Variants in RAB11FIP3 observed in about 807,000 individuals in gnomAD.
RAB11FIP3 encodes the protein rab11 family-interacting protein 3.
In RAB11FIP3, 17 loss-of-function variants were observed where a neutral mutation model predicts 77.8. The ratio of observed to expected loss-of-function variants is 0.22; its 90% CI spans 0.15 to 0.33. RAB11FIP3 has a LOEUF of 0.33. Among genes scored for constraint, RAB11FIP3 ranks in the 10% least tolerant of loss-of-function variants. RAB11FIP3 has a pLI of 1.00. For synonymous variants in RAB11FIP3, 437 were observed against 448.2 expected (o/e 0.98, Z 0.31); for missense variants, 1,005 against 1,011.2 (o/e 0.99, Z 0.08).
chr16:445,907 T>A (rs1460549132), intron 1 of RAB11FIP3, among the ~76,000 whole-genome samples: 1 of 152,056 alleles, frequency 6.6e-6, no homozygotes, highest in Non-Finnish European at 1.5e-5. Context: ...AGCCTCCAGG[T>A]ACAGGTGTTC....
intron 4 of RAB11FIP3, among the ~76,000 whole-genome samples, chr16:488,566 G>T (rs1362868218): frequency 1.3e-5 from 2 of 151,974 alleles, no homozygotes; most frequent in African/African-American, 4.8e-5. Flanking sequence ...GCGCATCCAT[G>T]CCTGGGTGAT....
Position 506,565 on chromosome 16 carries a change from C to T in RAB11FIP3, c.1499+938C>T, listed in dbSNP as rs2031884971. Among the ~76,000 whole-genome samples the T allele has an allele frequency of 6.6e-6, 1 of 152,186 alleles. No individual in the cohort carries two copies. Among genetic ancestry groups the T allele is most frequent in the African/African-American group, 2.4e-5 (1 of 41,436 alleles). ...CAGGTAGATTCAGGGCTCTGAGCAG[C>T]CTGCACACACGTGTGTTGGCAGCAG... On this transcript the variant is annotated intron_variant, in intron 8 of 13. Coordinates refer to ENST00000262305, the MANE Select transcript of RAB11FIP3 (RefSeq NM_014700.4). This position sits in a 1 kb window ranked among gnomAD's most constrained non-coding sequence, Gnocchi z 4.5.
chr16:448,807 C>T (rs1231164958), intron 1 of RAB11FIP3, among the ~76,000 whole-genome samples: 3 of 150,504 alleles, frequency 2.0e-5, no homozygotes, highest in South Asian at 2.1e-4. Flanking sequence ...CCCAGCTACT[C>T]GGGAGGCTGA....
chr16:461,334 T>G lies in RAB11FIP3; in HGVS notation c.715-70T>G. On this transcript the variant is annotated intron_variant, in intron 1 of 13. Transcript: ENST00000262305. This position sits in a 1 kb window ranked among gnomAD's most constrained non-coding sequence, Gnocchi z 4.5. ...AGGCCACACACCAGATCTCTCCCAG[T>G]CCGAGGTCCAGGGTTGGGGACCCCT... 1 of 1,238,088 alleles carries G rather than the reference T, an allele frequency of 8.1e-7. No homozygotes were observed. The highest frequency in any genetic ancestry group is 1.2e-6 in the Non-Finnish European group (1 of 862,026). The allele number at this position is 1,238,088 out of a possible 1,614,324, so 76.7% of individuals were successfully genotyped here.
chr16:495,545 C>T (rs1365128119), intron 5 of RAB11FIP3, among the ~76,000 whole-genome samples: 2 of 152,138 alleles, frequency 1.3e-5, no homozygotes, highest in East Asian at 1.9e-4. Context: ...GTCGGAGGGC[C>T]CTGCAGAGAG....
In RAB11FIP3 at chr16:506,487, G is replaced by C. The variant is rs1596293130; in HGVS notation, c.1499+860G>C. Among the ~76,000 whole-genome samples, 1 of 152,278 alleles carries C rather than the reference G, an allele frequency of 6.6e-6. No homozygotes were observed. Among genetic ancestry groups the C allele is most frequent in the Middle Eastern group, 3.4e-3 (1 of 294 alleles). ...ATCCCGGCTCTTCCACATATTCTCA[G>C]CTCGGCCAAGGGCCCTGTCCCTTGA... is the stretch of plus-strand genomic sequence containing the variant. On this transcript the variant is annotated intron_variant, in intron 8 of 13. Transcript: ENST00000262305. This position sits in a 1 kb window ranked among gnomAD's most constrained non-coding sequence, Gnocchi z 4.5.
chr16:456,572 A>C (rs2055508033), intron 1 of RAB11FIP3, among the ~76,000 whole-genome samples: 1 of 152,202 alleles, frequency 6.6e-6, no homozygotes. Flanking sequence ...CCTGCCCAAC[A>C]TGGTGAAACC....
At chr16:467,062 A>G (rs1426419899) in intron 2 of RAB11FIP3, among the ~76,000 whole-genome samples, 1 of 152,182 alleles carries the variant, frequency 6.6e-6, no homozygotes, top group African/African-American at 2.4e-5. Flanking sequence ...TCTGGGACGT[A>G]GCACGAAACG....
At chr16:437,878 A>G (rs2055158130) in intron 1 of RAB11FIP3, among the ~76,000 whole-genome samples, 1 of 151,392 alleles carries the variant, frequency 6.6e-6, no homozygotes, top group African/African-American at 2.4e-5. Context: ...TTCTTGGCCC[A>G]TACCCACTGC....
chr16:491,051 G>A, intron 5 of RAB11FIP3: 2 of 1,187,514 alleles, frequency 1.7e-6, no homozygotes, highest in Non-Finnish European at 2.2e-6. Context: ...GTCCTGTCCT[G>A]TTCCCCTCGG....
At chr16:494,423 C>G (rs921301684) in intron 5 of RAB11FIP3, among the ~76,000 whole-genome samples, 2 of 150,362 alleles carry the variant, frequency 1.3e-5, no homozygotes, top group African/African-American at 4.9e-5. Flanking sequence ...GAGATCGAGA[C>G]CATCCTGGCT....
Position 462,646 on chromosome 16 carries a change from C to T in RAB11FIP3, c.808+1149C>T, listed in dbSNP as rs1386768682. On this transcript the variant is annotated intron_variant, in intron 2 of 13. Transcript: ENST00000262305. ...CCCCAGCACCATCCCTTCCCCAGCA[C>T]CATCCCTTCCGCAGCACCGTCCCTT... 4.1e-3 allele frequency among the ~76,000 whole-genome samples: 626 copies of T among 150,868 alleles called. 2 individuals are homozygous for T. Among genetic ancestry groups the T allele is most frequent in the African/African-American group, 0.014 (587 of 40,624 alleles).
intron 7 of RAB11FIP3, among the ~76,000 whole-genome samples, chr16:503,635 A>G (rs916435425): frequency 1.3e-5 from 2 of 152,082 alleles, no homozygotes; most frequent in African/African-American, 4.8e-5. Flanking sequence ...ATCCCAGCAC[A>G]TTAGGAGGCC....
intron 4 of RAB11FIP3, among the ~76,000 whole-genome samples, chr16:487,936 G>T (rs1596263169): frequency 6.6e-6 from 1 of 151,380 alleles, no homozygotes; most frequent in Non-Finnish European, 1.5e-5. Flanking sequence ...AGAGGCAGAG[G>T]TGCTTGAACC....
chr16:462,992 C>T (rs1226871481), intron 2 of RAB11FIP3, among the ~76,000 whole-genome samples: 2 of 152,194 alleles, frequency 1.3e-5, no homozygotes, highest in Non-Finnish European at 2.9e-5. Flanking sequence ...CGTTTGTGTA[C>T]AACTCTTTGT....
At chr16:479,918 A>AAAC (rs201759094) in intron 3 of RAB11FIP3, among the ~76,000 whole-genome samples, 1,832 of 151,134 alleles carry the variant, frequency 0.012, 28 homozygotes, top group African/African-American at 0.042. Flanking sequence ...ACACTGTCTC[A>AAAC]AACAACAACA....
chr16:507,821 C>T lies in RAB11FIP3; in HGVS notation c.1499+2194C>T, dbSNP rs577268785. Among the ~76,000 whole-genome samples the T allele has an allele frequency of 3.9e-4, 59 of 152,248 alleles. No homozygotes were observed. The highest frequency in any genetic ancestry group is 7.4e-4 in the Non-Finnish European group (50 of 68,000). Reference sequence around the variant, plus strand: ...CCATACAGCTGCCATCCTAAGAGTACGTTTCCCGTTTTCAGTATCATCTGC... The same window carrying T: ...CCATACAGCTGCCATCCTAAGAGTATGTTTCCCGTTTTCAGTATCATCTGC... On this transcript the variant is annotated intron_variant, in intron 8 of 13. Coordinates refer to ENST00000262305, the MANE Select transcript of RAB11FIP3 (RefSeq NM_014700.4). The surrounding 1 kb of genome is among the most constrained non-coding windows in gnomAD (Gnocchi z 4.6).
At chr16:510,550 T>A (rs1453395929) in intron 8 of RAB11FIP3, 110 bp from the exon 9 acceptor site, 1 of 1,283,890 alleles carries the variant, frequency 7.8e-7, no homozygotes, top group Non-Finnish European at 1.0e-6. Flanking sequence ...GGTGCCCTAC[T>A]CCCGAGTGGA....
chr16:503,185 G>A (rs1320011831), intron 7 of RAB11FIP3, 88 bp downstream of exon 7: 16 of 1,075,928 alleles, frequency 1.5e-5, no homozygotes, highest in Middle Eastern at 2.9e-4. Context: ...CCGGGAGGTG[G>A]GGACAGCACA....
Sources: allele counts gnomAD v4.1 joint callset (sites outside exome capture counted in the v4.1 genomes callset), GRCh38; gene constraint gnomAD v4.1.1; non-coding constraint Gnocchi (gnomAD v3.1); transcripts MANE v1.5; gene names NCBI Gene and HGNC (gene_info 2026-07-23, HGNC 2026-07-21).